Variants in DIS3L observed in about 807,000 individuals in gnomAD.
The protein encoded by DIS3L is DIS3 like exosome 3'-5' exoribonuclease, also known as DIS3-like exonuclease 1.
In DIS3L, 100 loss-of-function variants were observed where a neutral mutation model predicts 120.3. The observed-to-expected ratio is 0.83, with a 90% CI of 0.71 to 0.98. The LOEUF (loss-of-function observed/expected upper bound fraction) is 0.98, where lower values mean the gene tolerates loss of function less well. DIS3L is among the 50% of genes least tolerant of loss of function. DIS3L has a pLI of 0.00. For missense variants in DIS3L, 1,196 were observed against 1,314.2 expected, an observed-to-expected ratio of 0.91 and a Z score of 1.39; for synonymous variants, 426 against 470.6, an observed-to-expected ratio of 0.91 and a Z score of 1.23.
At chr15:66,305,115 C>T (rs2092691254) in intron 2 of DIS3L, among the ~76,000 whole-genome samples, 1 of 150,396 alleles carries the variant, frequency 6.6e-6, no homozygotes, top group African/African-American at 2.4e-5. Context: ...CATCTCCTGC[C>T]TCAACTTCCT....
chr15:66,309,081 G>GA (rs1555401909), intron 4 of DIS3L, among the ~76,000 whole-genome samples: 1 of 1,130 alleles, frequency 8.8e-4, no homozygotes, highest in African/African-American at 1.5e-3. Flanking sequence ...TGTCTCTACA[G>GA]AAAAAAAAAA....
At position 66,293,731 on chromosome 15, in the gene DIS3L, C is replaced by T. The variant is rs1419594750; in HGVS notation, c.135C>T (p.Ser45=). Residue 45 remains serine, a synonymous_variant, in exon 1 of 17, where the codon AGC becomes AGT. Transcript: ENST00000319212. ...TCTGCCCGCAGCCCGCCGCCTGCAG[C>T]CACGGTCAGGGCCGGGGCGGGGGCG... ...SPLCPQPAAC[S]HDGKLLSSDV... is the part of the protein sequence containing the mutation. The T allele has an allele frequency of 3.9e-6, 5 of 1,295,924 alleles. No homozygotes were observed. In the East Asian group the frequency reaches 1.7e-4, roughly 45 times the overall value. The allele number at this position is 1,295,924 out of a possible 1,614,324, so 80.3% of individuals were successfully genotyped here.
chr15:66,323,775 C>A (rs1331417604), intron 11 of DIS3L, among the ~76,000 whole-genome samples, 190 bp downstream of exon 11: 1 of 152,094 alleles, frequency 6.6e-6, no homozygotes, highest in Non-Finnish European at 1.5e-5. Flanking sequence ...ATTTCTCTAG[C>A]CTTCCCTGCC....
chr15:66,320,689 T>C lies in DIS3L; in HGVS notation c.1283T>C (p.Leu428Pro). The C allele has an allele frequency of 6.2e-7, 1 of 1,614,182 alleles. No homozygotes were observed. Among genetic ancestry groups the C allele is most frequent in the Non-Finnish European group, 8.5e-7 (1 of 1,180,006 alleles). Reference protein sequence around the residue: ...GDLEGEIATILVENSISVIPF... With the variant: ...GDLEGEIATIPVENSISVIPF... ...CTGGAAGGGGAAATTGCAACCATCCTGGTGGAAAACAGTATTTCAGTTATT... is the reference window on the plus strand; with the variant it reads ...CTGGAAGGGGAAATTGCAACCATCCCGGTGGAAAACAGTATTTCAGTTATT... Residue 428 changes from leucine to proline, a missense_variant, in exon 9 of 17, where the codon CTG (leucine) becomes CCG (proline). Physicochemically the swap from Leu to Pro is moderately conservative, Grantham distance 98. Coordinates refer to ENST00000319212, the MANE Select transcript of DIS3L (RefSeq NM_001143688.3).
chr15:66,322,265 T>C (rs577821932), intron 9 of DIS3L, among the ~76,000 whole-genome samples: 1 of 152,304 alleles, frequency 6.6e-6, no homozygotes, highest in South Asian at 2.1e-4. Flanking sequence ...CTTTAAGGGG[T>C]AAGCTTTTAA....
rs187873907 is a variant in DIS3L at position 66,332,999 on chromosome 15, G to A, written c.2857-5G>A. 6 of 1,602,566 alleles carry A rather than the reference G, an allele frequency of 3.7e-6. No homozygotes were observed. The highest frequency in any genetic ancestry group is 1.3e-5 in the African/African-American group (1 of 74,106). On this transcript the variant is annotated splice_polypyrimidine_tract_variant and splice_region_variant and intron_variant, in intron 16 of 16. Coordinates refer to ENST00000319212, the MANE Select transcript of DIS3L (RefSeq NM_001143688.3). The stretch of plus-strand genomic sequence containing the variant: ...TAGTAATATGTATTTTCTTCTCTAT[G>A]CTAGGTAAGAATATCCATACAGGCC...
Position 66,329,207 on chromosome 15 carries a change from C to T in DIS3L, c.2357-14C>T, listed in dbSNP as rs201518323. ...AGTTTTTGTTTATTTTGATCTTTTGCTTTCTTTTTGAAGGTCTTGCATTAG... is the reference window on the plus strand; with the variant it reads ...AGTTTTTGTTTATTTTGATCTTTTGTTTTCTTTTTGAAGGTCTTGCATTAG... On this transcript the variant is annotated splice_polypyrimidine_tract_variant and intron_variant, in intron 13 of 16. Transcript: ENST00000319212. 4.4e-6 allele frequency: 7 copies of T among 1,586,638 alleles called. No homozygotes were observed. The highest frequency in any genetic ancestry group is 6.0e-6 in the Non-Finnish European group (7 of 1,168,176).
rs1469578491 is a variant in DIS3L at position 66,315,052 on chromosome 15, C to T, written c.831C>T (p.Ile277=). 2 of 1,613,940 alleles carry T rather than the reference C, an allele frequency of 1.2e-6. No homozygotes were observed. Among genetic ancestry groups the T allele is most frequent in the East Asian group, 2.2e-5 (1 of 44,878 alleles). ...CAAACACAGATTTAGTCAGTGACAT[C>T]CTAATCCACGGGATGAAGGCTCGAA... The part of the protein sequence containing the change: ...SSKDSDLVSD[I]LIHGMKARNR... Residue 277 remains isoleucine (I), a synonymous_variant, in exon 7 of 17, where the codon ATC becomes ATT. Transcript: ENST00000319212.
At position 66,333,522 on chromosome 15, in the gene DIS3L, A is replaced by C; in HGVS notation, c.*210A>C. ...GAGGCGGGCGGATCACGAGGTCAGG[A>C]GATTGAGACCATCCTGGCTAACACG... On this transcript the variant is annotated 3_prime_UTR_variant, in exon 17 of 17. Coordinates refer to ENST00000319212, the MANE Select transcript of DIS3L (RefSeq NM_001143688.3). The C allele has an allele frequency of 2.3e-6, 1 of 430,410 alleles. No homozygotes were observed. The highest frequency in any genetic ancestry group is 4.1e-6 in the Non-Finnish European group (1 of 243,978). 26.7% of individuals were successfully genotyped at this position (430,410 alleles called of 1,614,324 possible).
At chr15:66,293,781 G>A (rs2140306787) in intron 1 of DIS3L, 46 bp downstream of exon 1, 1 of 1,143,486 alleles carries the variant, frequency 8.7e-7, no homozygotes, top group Non-Finnish European at 1.1e-6. Flanking sequence ...GGGAGCGGGC[G>A]GCCGCAGTGA....
chr15:66,313,007 A>T (rs908655846), intron 5 of DIS3L, among the ~76,000 whole-genome samples: 2 of 151,484 alleles, frequency 1.3e-5, no homozygotes, highest in Non-Finnish European at 2.9e-5. Flanking sequence ...TTTTATTTTT[A>T]TTTTTTTGAG....
rs767074504 is a variant in DIS3L, at chr15:66,329,211, C to CTT, written c.2357-6_2357-5dup. On this transcript the variant is annotated splice_polypyrimidine_tract_variant and intron_variant, in intron 13 of 16. Coordinates refer to ENST00000319212, the MANE Select transcript of DIS3L (RefSeq NM_001143688.3). ...TTTGTTTATTTTGATCTTTTGCTTT[C>CTT]TTTTTGAAGGTCTTGCATTAGATAA... 3 of 1,586,204 alleles carry CTT rather than the reference C, an allele frequency of 1.9e-6. No homozygotes were observed. Among genetic ancestry groups the CTT allele is most frequent in the Non-Finnish European group, 2.6e-6 (3 of 1,168,200 alleles).
At chr15:66,320,215 T>C (rs1334648043) in intron 8 of DIS3L, among the ~76,000 whole-genome samples, 1 of 152,152 alleles carries the variant, frequency 6.6e-6, no homozygotes, top group Non-Finnish European at 1.5e-5. Context: ...TAAAACTTAA[T>C]TTGGAGCATG....
chr15:66,296,607 T>C lies in DIS3L; in HGVS notation c.293+1466T>C, dbSNP rs190156897. 3.7e-3 allele frequency among the ~76,000 whole-genome samples: 542 copies of C among 144,618 alleles called. 2 individuals are homozygous for C. Among genetic ancestry groups the C allele is most frequent in the African/African-American group, 0.013 (518 of 38,954 alleles). The allele number at this position is 144,618 out of a possible 152,430, so 94.9% of individuals were successfully genotyped here. A position where few individuals can be genotyped will look rare whatever the true frequency, so the allele number is the denominator to read the frequency against. On this transcript the variant is annotated intron_variant, in intron 2 of 16. Transcript: ENST00000319212. ...TTTCGGCTCACAGGTCACTGCAACC[T>C]CCACCTCCCGGGTTCAAGTGATTCT...
chr15:66,325,151 C>T (rs755345538), intron 11 of DIS3L, among the ~76,000 whole-genome samples: 2 of 152,082 alleles, frequency 1.3e-5, no homozygotes, highest in Non-Finnish European at 2.9e-5. Context: ...CCTAGCACTT[C>T]GGGAGGCCAA....
chr15:66,293,810 G>C lies in DIS3L; in HGVS notation c.139+75G>C. 2.8e-6 allele frequency: 3 copies of C among 1,077,024 alleles called. No homozygotes were observed. The South Asian group carries it at 1.3e-4, about 48-fold the overall frequency. 66.7% of individuals were successfully genotyped at this position (1,077,024 alleles called of 1,614,324 possible). ...GCAGTGAGGGGCTGAGCGCGGCCGGGAGGCGGAGCGCCAGCGGCGGGGACA... is the reference window on the plus strand; with the variant it reads ...GCAGTGAGGGGCTGAGCGCGGCCGGCAGGCGGAGCGCCAGCGGCGGGGACA... On this transcript the variant is annotated intron_variant, in intron 1 of 16. Coordinates refer to ENST00000319212, the MANE Select transcript of DIS3L (RefSeq NM_001143688.3).
intron 14 of DIS3L, 163 bp downstream of exon 14, chr15:66,329,562 T>C (rs955299753): frequency 3.8e-6 from 5 of 1,325,524 alleles, no homozygotes; most frequent in Non-Finnish European, 4.8e-6. Flanking sequence ...AGGTAACTTG[T>C]GGATTTGGGA....
At chr15:66,295,200 G>T (rs2140311490) in intron 2 of DIS3L, 59 bp downstream of exon 2, 2 of 1,515,838 alleles carry the variant, frequency 1.3e-6, no homozygotes, top group Non-Finnish European at 8.9e-7. Context: ...CTTAGAAAAG[G>T]TCCCTTGTCG....
At chr15:66,308,406 A>T (rs1349594797) in intron 3 of DIS3L, among the ~76,000 whole-genome samples, 2 of 152,214 alleles carry the variant, frequency 1.3e-5, no homozygotes, top group African/African-American at 4.8e-5. Flanking sequence ...GTGCTGCCCC[A>T]GTTAAATGGT....
Sources: allele counts gnomAD v4.1 joint callset (sites outside exome capture counted in the v4.1 genomes callset), GRCh38; gene constraint gnomAD v4.1.1; transcripts MANE v1.5; gene names NCBI Gene and HGNC (gene_info 2026-07-23, HGNC 2026-07-21).